Variants in JMJD1C observed in about 807,000 individuals in gnomAD.
JMJD1C encodes the protein jumonji domain containing 1C, also known as jumonji domain-containing protein 1C.
JMJD1C carries 31 observed loss-of-function variants against 245.3 expected under a neutral mutation model. That is an observed-to-expected ratio of 0.13 (90% CI 0.09 to 0.17). The LOEUF (loss-of-function observed/expected upper bound fraction) is 0.17, where lower values mean the gene tolerates loss of function less well. JMJD1C is among the 10% of genes least tolerant of loss of function. JMJD1C has a pLI of 1.00. For synonymous variants in JMJD1C, 1,057 were observed against 1,017.4 expected, an observed-to-expected ratio of 1.04 and a Z score of -0.74; for missense variants, 2,691 against 3,000.2, an observed-to-expected ratio of 0.90 and a Z score of 2.41.
rs140663843 is a variant in JMJD1C, at chr10:63,512,459, T to C, written n.113+9279A>G. Among the ~76,000 whole-genome samples, 491 of 152,312 alleles carry C rather than the reference T, an allele frequency of 3.2e-3. 2 individuals carry two copies. The highest frequency in any genetic ancestry group is 0.011 in the African/African-American group (475 of 41,572). ...TTTACTTTGGAAGGGTAACACAACA[T>C]GGCAGGATATAAAATTCTAGGTGGT... On this transcript the variant is annotated intron_variant and non_coding_transcript_variant, in intron 1 of 3. Coordinates refer to the JMJD1C transcript ENST00000633035.
At chr10:63,287,155 A>G (rs540681975) in intron 2 of JMJD1C, among the ~76,000 whole-genome samples, 1 of 152,334 alleles carries the variant, frequency 6.6e-6, no homozygotes, top group African/African-American at 2.4e-5. Flanking sequence ...ACAGGTACAT[A>G]TTAGTATAAT....
At chr10:63,481,285 G>C (rs1242253240) in intron 1 of JMJD1C, among the ~76,000 whole-genome samples, 23 of 152,092 alleles carry the variant, frequency 1.5e-4, no homozygotes, top group Admixed American at 1.5e-3. Context: ...ATCCCTTATA[G>C]TTTTTTAAAG....
chr10:63,333,377 C>T (rs1942367748), intron 2 of JMJD1C, among the ~76,000 whole-genome samples: 1 of 151,998 alleles, frequency 6.6e-6, no homozygotes. Context: ...CAACAGGGCG[C>T]AACCTCCTCT....
Position 63,192,985 on chromosome 10 carries a change from T to A in JMJD1C, c.6029A>T (p.His2010Leu). 1 of 1,614,148 alleles carries A rather than the reference T, an allele frequency of 6.2e-7. No homozygotes were observed. Among genetic ancestry groups the A allele is most frequent in the Middle Eastern group, 1.6e-4 (1 of 6,062 alleles). The change falls in exon 16 of 26, where the codon CAC becomes CTC. Residue 2010 changes from histidine to leucine, a missense_variant. His to Leu is a moderately conservative substitution (Grantham distance 99). Around this residue, in one of 9 missense-constraint regions of JMJD1C, gnomAD observed 275 missense variants for 285.5 expected, o/e 0.96. Transcript: ENST00000399262. ...TTGCTCTGCAAGATCTGCTAACCAG[T>A]GCAGTGGTGACTGGGATTCTGGAGG... Reference protein sequence around the residue: ...LTPPESQSPLHWLADLAEQKA... With the variant: ...LTPPESQSPLLWLADLAEQKA...
intron 2 of JMJD1C, among the ~76,000 whole-genome samples, chr10:63,368,781 G>A (rs941574705): frequency 1.6e-4 from 24 of 152,154 alleles, no homozygotes; most frequent in African/African-American, 5.8e-4. Context: ...CCACCTCCCA[G>A]GTTCAAGCGA....
intron 2 of JMJD1C, among the ~76,000 whole-genome samples, chr10:63,333,492 G>A (rs567700424): frequency 3.3e-5 from 5 of 151,934 alleles, no homozygotes; most frequent in East Asian, 1.9e-4. Context: ...AGGCTGCAAC[G>A]ACTGCACTCC....
intron 2 of JMJD1C, among the ~76,000 whole-genome samples, chr10:63,274,831 C>T (rs1856633712): frequency 6.6e-6 from 1 of 152,060 alleles, no homozygotes; most frequent in African/African-American, 2.4e-5. Context: ...GAAAAGACAA[C>T]CAAATTTTTA....
At chr10:63,305,431 C>T (rs1241240987) in intron 2 of JMJD1C, among the ~76,000 whole-genome samples, 1 of 147,470 alleles carries the variant, frequency 6.8e-6, no homozygotes, top group Non-Finnish European at 1.5e-5. Context: ...TACACTCCAG[C>T]CTGGATGACA....
chr10:63,256,508 G>A (rs1226807883), intron 3 of JMJD1C, among the ~76,000 whole-genome samples: 2 of 152,160 alleles, frequency 1.3e-5, no homozygotes, highest in Non-Finnish European at 2.9e-5. Flanking sequence ...TATTGACTCT[G>A]CTTTAGCTGC....
chr10:63,358,231 C>A (rs1405349143), intron 2 of JMJD1C, among the ~76,000 whole-genome samples: 1 of 151,894 alleles, frequency 6.6e-6, no homozygotes, highest in Non-Finnish European at 1.5e-5. Context: ...AGATTATAAC[C>A]AAATAAAACT....
At chr10:63,509,054 A>G (rs1421116600) in intron 1 of JMJD1C, among the ~76,000 whole-genome samples, 4 of 152,232 alleles carry the variant, frequency 2.6e-5, no homozygotes, top group Non-Finnish European at 4.4e-5. Flanking sequence ...CTATGATATT[A>G]GCTGTAGGGT....
At chr10:63,435,462 A>G (rs1331108210) in intron 1 of JMJD1C, among the ~76,000 whole-genome samples, 2 of 152,210 alleles carry the variant, frequency 1.3e-5, no homozygotes, top group African/African-American at 4.8e-5. Flanking sequence ...GTAACAGCAA[A>G]TAGTCCAAGA....
chr10:63,513,041 C>CA (rs1954917329), intron 1 of JMJD1C, among the ~76,000 whole-genome samples: 1 of 152,010 alleles, frequency 6.6e-6, no homozygotes, highest in South Asian at 2.1e-4. Flanking sequence ...TTAAAATTTC[C>CA]ATCTCTCTGC....
rs1564628373 is a variant in JMJD1C at position 63,217,312 on chromosome 10, T to C, written c.573A>G (p.Gly191=). 3.8e-6 allele frequency: 6 copies of C among 1,597,868 alleles called. No individual in the cohort carries two copies. Among genetic ancestry groups the C allele is most frequent in the Non-Finnish European group, 4.3e-6 (5 of 1,173,246 alleles). ...CTTGTCTATATACTCTCACTCTGTATCCATTTAAGGAATAAGGACCTTAAA... is the reference window on the plus strand; with the variant it reads ...CTTGTCTATATACTCTCACTCTGTACCCATTTAAGGAATAAGGACCTTAAA... ...IFMQGPYSLN[G]YRVRVYRQDS... The change falls in exon 5 of 26, where the codon GGA becomes GGG. Residue 191 remains glycine, a synonymous_variant. Transcript: ENST00000399262.
At chr10:63,312,676 C>G (rs761518121) in intron 2 of JMJD1C, among the ~76,000 whole-genome samples, 1 of 152,022 alleles carries the variant, frequency 6.6e-6, no homozygotes, top group Non-Finnish European at 1.5e-5. Flanking sequence ...TTCCAAATGC[C>G]TTGTACTATA....
Position 63,337,624 on chromosome 10 carries a change from A to AAAAGGAAAAGAAAAGAAAAGAAAAG in JMJD1C, c.333+42693_333+42694insCTTTTCTTTTCTTTTCTTTTCCTTT, listed in dbSNP as rs139374030. 1.0e-3 allele frequency among the ~76,000 whole-genome samples: 63 copies of AAAAGGAAAAGAAAAGAAAAGAAAAG among 60,224 alleles called. 4 individuals carry two copies. Among genetic ancestry groups the AAAAGGAAAAGAAAAGAAAAGAAAAG allele is most frequent in the African/African-American group, 4.5e-3 (61 of 13,526 alleles). 39.5% of individuals were successfully genotyped at this position (60,224 alleles called of 152,430 possible). ...AAAAGAAAAGAAAAGAAAAGAAAAG[A>AAAAGGAAAAGAAAAGAAAAGAAAAG]AAAAGAAAAGAAAAAAAATCCGCTA... On this transcript the variant is annotated intron_variant, in intron 2 of 25. Transcript: ENST00000399262.
At chr10:63,493,108 C>T (rs895935871) in intron 1 of JMJD1C, among the ~76,000 whole-genome samples, 7 of 151,946 alleles carry the variant, frequency 4.6e-5, no homozygotes, top group African/African-American at 1.2e-4. Context: ...CAACACCATT[C>T]GTAATTCAAG....
intron 1 of JMJD1C, among the ~76,000 whole-genome samples, chr10:63,492,273 C>T (rs141630948): frequency 0.013 from 2,027 of 152,106 alleles, 30 homozygotes; most frequent in African/African-American, 0.034. Flanking sequence ...CAAAGTCAAG[C>T]GGAAACTCCA....
At chr10:63,341,814 G>A (rs1589529333) in intron 2 of JMJD1C, among the ~76,000 whole-genome samples, 1 of 152,210 alleles carries the variant, frequency 6.6e-6, no homozygotes, top group African/African-American at 2.4e-5. Context: ...ATTAACACAC[G>A]TTCTTGAACG....
Sources: allele counts gnomAD v4.1 joint callset (sites outside exome capture counted in the v4.1 genomes callset), GRCh38; gene constraint gnomAD v4.1.1; regional missense constraint gnomAD v4.1.1; transcripts MANE v1.5; gene names NCBI Gene and HGNC (gene_info 2026-07-23, HGNC 2026-07-21).